The following RTL4 variants were observed in gnomAD, a reference collection of about 807,000 sequenced individuals.
RTL4 encodes the protein retrotransposon Gag-like protein 4.
In RTL4, 4 loss-of-function variants were observed where a neutral mutation model predicts 5.3. The ratio of observed to expected loss-of-function variants is 0.75; its 90% CI spans 0.37 to 1.72. The LOEUF (loss-of-function observed/expected upper bound fraction) is 1.72. RTL4 is among the 40% of genes most tolerant of loss of function. RTL4 has a pLI of 0.04. For synonymous variants in RTL4, 98 were observed against 87.3 expected (o/e 1.12, Z -0.68); for missense variants, 260 against 227.1 (o/e 1.14, Z -0.93).
At chrX:112,427,541 G>A in the RTL4 span, among the ~76,000 whole-genome samples, 1 of 110,892 alleles carries the variant, frequency 9.0e-6, no homozygotes, top group African/African-American at 3.3e-5. Context: ...CAGGAACAAA[G>A]CAAGGTGTCA....
the RTL4 span, among the ~76,000 whole-genome samples, chrX:112,439,371 A>AG: frequency 1.8e-5 from 2 of 111,792 alleles, no homozygotes; most frequent in Non-Finnish European, 3.8e-5. Flanking sequence ...ACTCTCTCTG[A>AG]GGCTTGGAGT....
chrX:112,399,207 C>T, the RTL4 span, among the ~76,000 whole-genome samples: 1 of 111,590 alleles, frequency 9.0e-6, no homozygotes, highest in Non-Finnish European at 1.9e-5. Flanking sequence ...TGCCTTCAAC[C>T]CTCTTTTTTA....
At chrX:112,403,856 T>A in the RTL4 span, among the ~76,000 whole-genome samples, 2 of 112,723 alleles carry the variant, frequency 1.8e-5, no homozygotes, top group African/African-American at 6.4e-5. Flanking sequence ...GTGTTTAGTT[T>A]AATTTGTTTC....
At chrX:112,119,695 A>C in the RTL4 span, among the ~76,000 whole-genome samples, 1 of 111,784 alleles carries the variant, frequency 8.9e-6, no homozygotes, top group South Asian at 3.8e-4. Context: ...CATTCTGTGG[A>C]GTCTAACTGT....
the RTL4 span, among the ~76,000 whole-genome samples, chrX:112,443,035 A>G: frequency 0.23 from 24,941 of 110,747 alleles, 2,147 homozygotes; most frequent in Middle Eastern, 0.29. Context: ...CTACTCTTTT[A>G]TACTCATTAC....
chrX:112,420,175 G>A, the RTL4 span, among the ~76,000 whole-genome samples: 1 of 111,378 alleles, frequency 9.0e-6, no homozygotes, highest in Non-Finnish European at 1.9e-5. Context: ...TGTGGAATAG[G>A]TAGGGGCATT....
chrX:112,340,652 T>G, the RTL4 span, among the ~76,000 whole-genome samples: 7 of 108,083 alleles, frequency 6.5e-5, no homozygotes, highest in Admixed American at 6.0e-4. Flanking sequence ...AAAAAAAAGC[T>G]CCCAAGAAGC....
the RTL4 span, among the ~76,000 whole-genome samples, chrX:112,394,095 G>A: frequency 9.0e-6 from 1 of 111,230 alleles, no homozygotes; most frequent in Non-Finnish European, 1.9e-5. Context: ...GGTGAAGTGT[G>A]GGTTCCCAGG....
At chrX:112,089,110 C>A in the RTL4 span, among the ~76,000 whole-genome samples, 3 of 109,665 alleles carry the variant, frequency 2.7e-5, no homozygotes, top group Non-Finnish European at 3.8e-5. Flanking sequence ...TTTTATTTTT[C>A]TTTTTTTATT....
the RTL4 span, among the ~76,000 whole-genome samples, chrX:112,243,966 T>G: frequency 8.9e-6 from 1 of 112,103 alleles, no homozygotes; most frequent in East Asian, 2.8e-4. Flanking sequence ...CAGTAGTCAT[T>G]CAGGAGCAGG....
the RTL4 span, among the ~76,000 whole-genome samples, chrX:112,445,621 C>T: frequency 8.3e-4 from 92 of 111,444 alleles, no homozygotes; most frequent in African/African-American, 2.9e-3. Context: ...TCTTATATCT[C>T]GGACTAATAA....
In RTL4 at chrX:112,455,384, A is replaced by G; in HGVS notation, c.656A>G (p.His219Arg). ...CAGTGCATTCAGTTGGACAAGAAAC[A>G]TAGTGACAGGCCAGAGCTCCTACAG... Residue 219 changes from histidine to arginine, a missense_variant, in exon 1 of 1, where the codon CAT (histidine) becomes CGT (arginine). Coordinates refer to ENST00000340433, the Ensembl canonical transcript of RTL4. The G allele has an allele frequency of 8.3e-7, 1 of 1,211,657 alleles. No homozygotes were observed. The highest frequency in any genetic ancestry group is 1.1e-6 in the Non-Finnish European group (1 of 895,519).
chrX:112,350,950 T>G, the RTL4 span, among the ~76,000 whole-genome samples: 1 of 111,526 alleles, frequency 9.0e-6, no homozygotes, highest in Non-Finnish European at 1.9e-5. Flanking sequence ...TTCTTTTAAT[T>G]GTGATGTTAG....
At chrX:112,356,925 C>G in the RTL4 span, among the ~76,000 whole-genome samples, 1 of 111,443 alleles carries the variant, frequency 9.0e-6, no homozygotes. Flanking sequence ...AAAACTGAAG[C>G]TTTGGCTAGT....
chrX:112,336,537 T>C, the RTL4 span, among the ~76,000 whole-genome samples: 1 of 112,321 alleles, frequency 8.9e-6, no homozygotes. Flanking sequence ...ATAATGCCTA[T>C]GTTTTGCCTA....
the RTL4 span, among the ~76,000 whole-genome samples, chrX:112,409,822 AC>A: frequency 9.0e-6 from 1 of 111,165 alleles, no homozygotes; most frequent in South Asian, 3.8e-4. Flanking sequence ...GGAAGAGAAG[AC>A]CCAAACCACA....
At chrX:112,263,213 A>G in the RTL4 span, among the ~76,000 whole-genome samples, 8 of 110,089 alleles carry the variant, frequency 7.3e-5, 1 homozygote, top group South Asian at 3.2e-3. Context: ...AAAAAAAAAA[A>G]AAGAAGCAGT....
At chrX:112,425,269 C>G in the RTL4 span, among the ~76,000 whole-genome samples, 1 of 111,361 alleles carries the variant, frequency 9.0e-6, no homozygotes, top group African/African-American at 3.3e-5. Context: ...TTGCTCATTT[C>G]TTTTAGTGCT....
chrX:112,227,884 A>T, the RTL4 span, among the ~76,000 whole-genome samples: 3 of 110,929 alleles, frequency 2.7e-5, no homozygotes, highest in African/African-American at 9.8e-5. Context: ...GCCCTTCAAA[A>T]ATGGAGGTGT....
Sources: gnomAD v4.1 joint callset for allele counts (sites outside exome capture counted in the v4.1 genomes callset) on GRCh38, gnomAD v4.1.1 for gene constraint, MANE v1.5 for transcripts, NCBI Gene and HGNC (gene_info 2026-07-23, HGNC 2026-07-21) for gene names.